Variants in IL36B observed in about 807,000 individuals in gnomAD.
The protein encoded by IL36B is interleukin-36 beta.
Under a neutral mutation model 19.3 loss-of-function variants are expected in IL36B, and 23 were observed. The observed-to-expected ratio is 1.19, with a 90% CI of 0.86 to 1.69. The LOEUF is 1.69. Among genes scored for constraint, IL36B ranks in the 40% most tolerant of loss-of-function variants. IL36B has a pLI of 0.00. For missense variants in IL36B, 217 were observed against 200.5 expected, an observed-to-expected ratio of 1.08 and a Z score of -0.50; for synonymous variants, 59 against 59.7, an observed-to-expected ratio of 0.99 and a Z score of 0.05.
chr2:113,031,894 T>A lies in IL36B; in HGVS notation c.-57-128A>T, dbSNP rs35985961. On this transcript the variant is annotated intron_variant, in intron 1 of 5. Transcript: ENST00000259213. Reference sequence around the variant, plus strand: ...GCCCTGAGAGCCTCTCCTAGATGCATATTTGAGAATAAGGATGGGTACAGG... The same window carrying A: ...GCCCTGAGAGCCTCTCCTAGATGCAAATTTGAGAATAAGGATGGGTACAGG... 5.9e-4 allele frequency: 340 copies of A among 573,228 alleles called. 1 individual carries two copies. Among genetic ancestry groups the A allele is most frequent in the African/African-American group, 5.9e-3 (312 of 53,104 alleles). The allele number at this position is 573,228 out of a possible 1,614,324, so 35.5% of individuals were successfully genotyped here.
chr2:113,035,420 T>C (rs1685149466), intron 1 of IL36B, among the ~76,000 whole-genome samples: 1 of 152,128 alleles, frequency 6.6e-6, no homozygotes, highest in South Asian at 2.1e-4. Flanking sequence ...TTTCCTGTGC[T>C]TTTTCTTGGC....
intron 5 of IL36B, among the ~76,000 whole-genome samples, chr2:113,023,226 A>G (rs924795947): frequency 2.0e-5 from 3 of 152,184 alleles, no homozygotes; most frequent in African/African-American, 7.2e-5. Flanking sequence ...TTTGTTTACT[A>G]CTATGTCCCC....
intron 1 of IL36B, among the ~76,000 whole-genome samples, chr2:113,037,847 A>T (rs967134663): frequency 1.6e-4 from 24 of 152,318 alleles, no homozygotes; most frequent in African/African-American, 5.3e-4. Context: ...GTAAATTCTC[A>T]TCAAATTATA....
At chr2:113,024,802 C>T (rs1684924079) in intron 5 of IL36B, among the ~76,000 whole-genome samples, 1 of 152,220 alleles carries the variant, frequency 6.6e-6, no homozygotes, top group Non-Finnish European at 1.5e-5. Context: ...TCACCATCTT[C>T]CTATAGATTC....
At chr2:113,047,072 T>G (rs983005588) in intron 1 of IL36B, among the ~76,000 whole-genome samples, 13 of 152,252 alleles carry the variant, frequency 8.5e-5, no homozygotes, top group Admixed American at 8.5e-4. Flanking sequence ...TATAATCCAG[T>G]GCTACTTTAT....
At chr2:113,025,076 C>T (rs995034229) in intron 5 of IL36B, among the ~76,000 whole-genome samples, 2 of 152,182 alleles carry the variant, frequency 1.3e-5, no homozygotes, top group African/African-American at 2.4e-5. Flanking sequence ...TCAGACTGTG[C>T]ACCGAGCCCT....
At chr2:113,026,008 T>C in intron 5 of IL36B, 1 of 1,520,418 alleles carries the variant, frequency 6.6e-7, no homozygotes, top group Non-Finnish European at 8.9e-7. Context: ...GGTGATTATG[T>C]CTCAATACTG....
At chr2:113,038,135 C>G (rs1387595817) in intron 1 of IL36B, among the ~76,000 whole-genome samples, 1 of 152,196 alleles carries the variant, frequency 6.6e-6, no homozygotes, top group African/African-American at 2.4e-5. Flanking sequence ...TTCCAGAGAA[C>G]AGATTGTACT....
chr2:113,041,160 C>A (rs59570721), intron 1 of IL36B, among the ~76,000 whole-genome samples: 106,360 of 142,256 alleles, frequency 0.75, 40,269 homozygotes, highest in East Asian at 0.94. Flanking sequence ...TTGCCACACA[C>A]AAAAAAAAAG....
At position 113,037,780 on chromosome 2, in the gene IL36B, A is replaced by T. The variant is rs191282243; in HGVS notation, c.-57-6014T>A. On this transcript the variant is annotated intron_variant, in intron 1 of 5. Transcript: ENST00000259213. ...TAATATTTTCTGTCATTTTGTACAC[A>T]TGTAAGTACTTTTTAGGCAATTGGC... 1.6e-3 allele frequency among the ~76,000 whole-genome samples: 248 copies of T among 152,296 alleles called. 1 individual carries two copies. Among genetic ancestry groups the T allele is most frequent in the African/African-American group, 5.7e-3 (236 of 41,560 alleles).
At chr2:113,033,531 A>G (rs12614012) in intron 1 of IL36B, among the ~76,000 whole-genome samples, 117,860 of 152,234 alleles carry the variant, frequency 0.77, 46,362 homozygotes, top group East Asian at 0.94. Context: ...GAGCCACTGC[A>G]CCCGTCCCAC....
intron 1 of IL36B, among the ~76,000 whole-genome samples, chr2:113,035,883 G>A (rs1377006619): frequency 3.3e-5 from 5 of 152,324 alleles, no homozygotes; most frequent in African/African-American, 1.2e-4. Flanking sequence ...GGTTGCCTCA[G>A]GAGAGTAGGA....
intron 1 of IL36B, among the ~76,000 whole-genome samples, chr2:113,041,581 A>AG (rs397793432): frequency 2.0e-5 from 3 of 151,420 alleles, no homozygotes; most frequent in African/African-American, 7.3e-5. Context: ...CATGAAAGAA[A>AG]TAAAGATTAA....
intron 3 of IL36B, among the ~76,000 whole-genome samples, chr2:113,029,657 G>A (rs958926513): frequency 3.3e-5 from 5 of 152,198 alleles, no homozygotes; most frequent in African/African-American, 1.2e-4. Flanking sequence ...TCCCACTTGG[G>A]ATACATGAAG....
intron 1 of IL36B, among the ~76,000 whole-genome samples, chr2:113,042,709 T>G (rs1420113136): frequency 1.3e-5 from 2 of 152,380 alleles, no homozygotes; most frequent in East Asian, 3.9e-4. Context: ...AAATTTGGTT[T>G]CTTCCACTTT....
rs1301977819 is a variant in IL36B, at chr2:113,022,226, C to T, written c.*448G>A. 1.3e-5 allele frequency: 2 copies of T among 153,740 alleles called. No homozygotes were observed. The highest frequency in any genetic ancestry group is 4.8e-5 in the African/African-American group (2 of 41,432). The allele number at this position is 153,740 out of a possible 1,614,324, so 9.5% of individuals were successfully genotyped here. Reference sequence around the variant, plus strand: ...AACAGAGCGTTTCACTCCTCATGCTCTAGTGAATAATTGCACATTATGTAA... The same window carrying T: ...AACAGAGCGTTTCACTCCTCATGCTTTAGTGAATAATTGCACATTATGTAA... On this transcript the variant is annotated 3_prime_UTR_variant, in exon 6 of 6. Transcript: ENST00000259213.
intron 5 of IL36B, among the ~76,000 whole-genome samples, chr2:113,024,714 T>C (rs898230583): frequency 6.6e-6 from 1 of 152,236 alleles, no homozygotes; most frequent in African/African-American, 2.4e-5. Flanking sequence ...GTCTATCTCT[T>C]GCTCATGTTC....
At chr2:113,037,183 G>A (rs1320426842) in intron 1 of IL36B, among the ~76,000 whole-genome samples, 1 of 152,208 alleles carries the variant, frequency 6.6e-6, no homozygotes, top group African/African-American at 2.4e-5. Context: ...CAACGTCCAC[G>A]AGGCTGTGTG....
chr2:113,044,133 A>T (rs972004507), intron 1 of IL36B, among the ~76,000 whole-genome samples: 4 of 152,158 alleles, frequency 2.6e-5, no homozygotes, highest in Non-Finnish European at 5.9e-5. Flanking sequence ...GGCCTTTCAA[A>T]AACTTTCTTT....
Sources: allele counts gnomAD v4.1 joint callset (sites outside exome capture counted in the v4.1 genomes callset), GRCh38; gene constraint gnomAD v4.1.1; transcripts MANE v1.5; gene names NCBI Gene and HGNC (gene_info 2026-07-23, HGNC 2026-07-21).